SND1: variants seen among roughly 807,000 people sequenced by gnomAD.
The protein encoded by SND1 is staphylococcal nuclease domain-containing protein 1.
In SND1, 38 loss-of-function variants were observed where a neutral mutation model predicts 121.7. The observed-to-expected ratio is 0.31, with a 90% CI of 0.24 to 0.41. The LOEUF (loss-of-function observed/expected upper bound fraction) is 0.41, where lower values mean the gene tolerates loss of function less well. Ranked by LOEUF, SND1 falls within the 10% of genes least tolerant of loss-of-function variation. SND1 has a pLI of 1.00. For missense variants in SND1, 868 were observed against 1,184.6 expected (o/e 0.73, Z 3.92); for synonymous variants, 401 against 447.4 (o/e 0.90, Z 1.31).
At chr7:127,995,568 T>C (rs931233996) in intron 16 of SND1, among the ~76,000 whole-genome samples, 2 of 152,258 alleles carry the variant, frequency 1.3e-5, no homozygotes, top group East Asian at 3.8e-4. Flanking sequence ...TGTGATTCTT[T>C]TCTGCCTTGG....
At position 127,807,470 on chromosome 7, in the gene SND1, T is replaced by C. The variant is rs2116576051; in HGVS notation, c.1153-14T>C. On this transcript the variant is annotated splice_polypyrimidine_tract_variant and intron_variant, in intron 10 of 23. Transcript: ENST00000354725. ...ATTGTTCATTCCTGATGTCATGTTT[T>C]ATTTTACTTTTAGGATAAGAACAAG... 3 of 1,598,606 alleles carry C rather than the reference T, an allele frequency of 1.9e-6. No individual in the cohort carries two copies. Among genetic ancestry groups the C allele is most frequent in the Non-Finnish European group, 2.6e-6 (3 of 1,166,048 alleles).
At chr7:127,828,360 A>G (rs1563027622) in intron 11 of SND1, among the ~76,000 whole-genome samples, 1 of 151,972 alleles carries the variant, frequency 6.6e-6, no homozygotes, top group Non-Finnish European at 1.5e-5. Flanking sequence ...CAGAATATAT[A>G]TACATATTCT....
intron 10 of SND1, among the ~76,000 whole-genome samples, chr7:127,766,514 G>C (rs1285580720): frequency 1.3e-5 from 2 of 152,086 alleles, no homozygotes; most frequent in African/African-American, 4.8e-5. Flanking sequence ...GATGGCTCAT[G>C]CCTTTAATCC....
chr7:128,050,911 C>G (rs1452527973), intron 16 of SND1, among the ~76,000 whole-genome samples: 1 of 152,238 alleles, frequency 6.6e-6, no homozygotes, highest in South Asian at 2.1e-4. Flanking sequence ...TTCCTAGATG[C>G]CTCTGAGCTC....
intron 10 of SND1, among the ~76,000 whole-genome samples, chr7:127,800,971 T>G (rs562572708): frequency 1.3e-5 from 2 of 152,380 alleles, no homozygotes; most frequent in East Asian, 3.9e-4. Context: ...ATTTTGTTTT[T>G]TCAGTCTGTC....
At chr7:127,759,653 A>G (rs1187755841) in intron 10 of SND1, among the ~76,000 whole-genome samples, 2 of 152,048 alleles carry the variant, frequency 1.3e-5, no homozygotes, top group African/African-American at 4.8e-5. Flanking sequence ...CTCAGTTGAT[A>G]AGCTCTAGAG....
intron 11 of SND1, among the ~76,000 whole-genome samples, chr7:127,823,114 A>G (rs911444137): frequency 3.9e-5 from 6 of 152,212 alleles, no homozygotes; most frequent in African/African-American, 1.4e-4. Flanking sequence ...GATAAGGCTG[A>G]GTGAGAGACA....
intron 14 of SND1, among the ~76,000 whole-genome samples, chr7:127,928,502 C>T (rs183868577): frequency 5.3e-4 from 74 of 140,518 alleles, no homozygotes; most frequent in Non-Finnish European, 8.7e-4. Flanking sequence ...ATAGCCTAGG[C>T]GTCGCTTTTT....
chr7:127,704,748 A>G, intron 7 of SND1, 91 bp from the exon 8 acceptor site: 1 of 1,046,660 alleles, frequency 9.6e-7, no homozygotes, highest in Non-Finnish European at 1.5e-6. Flanking sequence ...CTAGTTTGTG[A>G]CTGTGTTAAT....
chr7:128,020,757 C>T (rs796648523), intron 16 of SND1, among the ~76,000 whole-genome samples: 15 of 152,268 alleles, frequency 9.9e-5, no homozygotes, highest in African/African-American at 3.6e-4. Flanking sequence ...GGGAAAGCCT[C>T]CAGCGGGCAC....
intron 15 of SND1, among the ~76,000 whole-genome samples, chr7:127,960,091 CGGGTGGCAAGACCA>C (rs1801695069): frequency 1.3e-5 from 2 of 152,160 alleles, no homozygotes; most frequent in African/African-American, 4.8e-5. Flanking sequence ...TGGAACTTAC[CGGGTGGCAAGACCA>C]ATCTAGCAGC....
chr7:127,896,973 C>G (rs887631049), intron 13 of SND1, among the ~76,000 whole-genome samples: 6 of 152,096 alleles, frequency 3.9e-5, no homozygotes, highest in African/African-American at 7.2e-5. Context: ...CTCAGGAGGA[C>G]TATAGTTCAA....
At chr7:127,705,663 T>A (rs528899957) in intron 8 of SND1, among the ~76,000 whole-genome samples, 1 of 152,026 alleles carries the variant, frequency 6.6e-6, no homozygotes, top group East Asian at 1.9e-4. Flanking sequence ...TTTGATGGGA[T>A]AGATGGAAGA....
intron 14 of SND1, among the ~76,000 whole-genome samples, chr7:127,919,649 A>G (rs1800657106): frequency 2.0e-5 from 3 of 152,182 alleles, no homozygotes; most frequent in South Asian, 4.1e-4. Context: ...TGTGTAAGCT[A>G]TGTTTTTAGC....
At chr7:127,902,470 G>A (rs548345948) in intron 13 of SND1, among the ~76,000 whole-genome samples, 1 of 152,296 alleles carries the variant, frequency 6.6e-6, no homozygotes, top group African/African-American at 2.4e-5. Flanking sequence ...AGAGCCTGTT[G>A]GTGGCAGAGG....
At chr7:128,017,452 G>T (rs756134509) in intron 16 of SND1, among the ~76,000 whole-genome samples, 3 of 152,222 alleles carry the variant, frequency 2.0e-5, no homozygotes, top group Admixed American at 6.5e-5. Flanking sequence ...CACCTCTCAG[G>T]CTCCATGTGT....
chr7:128,075,800 C>T (rs1241817382), intron 17 of SND1, among the ~76,000 whole-genome samples: 1 of 152,234 alleles, frequency 6.6e-6, no homozygotes, highest in African/African-American at 2.4e-5. Context: ...CTGCTCACAT[C>T]AAGCCTCCTC....
intron 10 of SND1, among the ~76,000 whole-genome samples, chr7:127,730,168 A>AT (rs1403052808): frequency 6.6e-6 from 1 of 152,054 alleles, no homozygotes; most frequent in Non-Finnish European, 1.5e-5. Flanking sequence ...GTGTTTCTCC[A>AT]TGTTGGTTAG....
At chr7:128,021,136 G>A (rs1253031926) in intron 16 of SND1, among the ~76,000 whole-genome samples, 1 of 152,200 alleles carries the variant, frequency 6.6e-6, no homozygotes, top group African/African-American at 2.4e-5. Flanking sequence ...CGTGTCAGAA[G>A]GATGCCATTG....
Sources: allele counts gnomAD v4.1 joint callset (sites outside exome capture counted in the v4.1 genomes callset), GRCh38; gene constraint gnomAD v4.1.1; transcripts MANE v1.5; gene names NCBI Gene and HGNC (gene_info 2026-07-23, HGNC 2026-07-21).